ABLIM1: variants seen among roughly 807,000 people sequenced by gnomAD.
ABLIM1 encodes actin binding LIM protein 1, also known as actin-binding LIM protein 1.
In ABLIM1, 40 loss-of-function variants were observed where a neutral mutation model predicts 107.0. The ratio of observed to expected loss-of-function variants is 0.37; its 90% CI spans 0.29 to 0.49. The LOEUF (loss-of-function observed/expected upper bound fraction) is 0.49, where lower values mean the gene tolerates loss of function less well. Among genes scored for constraint, ABLIM1 ranks in the 20% least tolerant of loss-of-function variants. ABLIM1 has a pLI of 0.97. For synonymous variants in ABLIM1, 357 were observed against 357.3 expected (o/e 1.00, Z 0.01); for missense variants, 857 against 1,008.5 (o/e 0.85, Z 2.04).
rs1230035889 is a variant in ABLIM1, at chr10:114,638,195, T to G, written c.244+19762A>C. On this transcript the variant is annotated intron_variant, in intron 1 of 22. Transcript: ENST00000533213. ...TTGATGAATAAATAAATATTCCTTT[T>G]CATACAAATAGACTGATTTCAAAAT... Among the ~76,000 whole-genome samples, 5 of 152,364 alleles carry G rather than the reference T, an allele frequency of 3.3e-5. No homozygotes were observed. The East Asian group carries it at 9.6e-4, about 29-fold the overall frequency.
intron 6 of ABLIM1, among the ~76,000 whole-genome samples, chr10:114,532,889 T>C (rs551140520): frequency 1.3e-5 from 2 of 152,266 alleles, no homozygotes; most frequent in East Asian, 3.9e-4. Context: ...AGAGACCCAC[T>C]TGTCTGTTTC....
In ABLIM1 at chr10:114,444,047, C is replaced by T. The variant is rs772367802; in HGVS notation, c.1915G>A (p.Asp639Asn). The T allele has an allele frequency of 7.5e-6, 12 of 1,607,232 alleles. No individual in the cohort carries two copies. The highest frequency in any genetic ancestry group is 5.1e-5 in the Admixed American group (3 of 58,454). Residue 639 changes from aspartate to asparagine, a missense_variant, in exon 17 of 23, where the codon GAT becomes AAT. Transcript: ENST00000533213. ...ERSSLLASRY[D>N]SPINSASHIP... ...TGCTTACCTGAGTTGATGGGAGAAT[C>T]GTAGCGACTGGCTAACAGAGATGAC...
intron 13 of ABLIM1, among the ~76,000 whole-genome samples, 160 bp from the exon 14 acceptor site, chr10:114,451,831 T>G (rs556774864): frequency 5.3e-5 from 8 of 152,166 alleles, no homozygotes; most frequent in Non-Finnish European, 8.8e-5. Context: ...AAAGAAAAAT[T>G]ATAGAAATGA....
At chr10:114,693,624 G>A (rs904493860) in intron 1 of ABLIM1, among the ~76,000 whole-genome samples, 9 of 151,756 alleles carry the variant, frequency 5.9e-5, no homozygotes, top group East Asian at 1.9e-4. Context: ...AATTTTAAGC[G>A]TTTTTTCTTT....
intron 1 of ABLIM1, among the ~76,000 whole-genome samples, chr10:114,617,820 C>G (rs978123155): frequency 6.6e-6 from 1 of 151,994 alleles, no homozygotes; most frequent in Non-Finnish European, 1.5e-5. Context: ...TATTTTTTAT[C>G]AAAGTTTAGG....
intron 4 of ABLIM1, among the ~76,000 whole-genome samples, chr10:114,562,797 A>C (rs968841669): frequency 6.6e-6 from 1 of 152,152 alleles, no homozygotes; most frequent in African/African-American, 2.4e-5. Context: ...TCACTCACTA[A>C]ATGAACATGT....
At chr10:114,592,332 C>T (rs2074974067) in intron 2 of ABLIM1, among the ~76,000 whole-genome samples, 1 of 152,016 alleles carries the variant, frequency 6.6e-6, no homozygotes, top group Non-Finnish European at 1.5e-5. Context: ...GTGCAAAGGT[C>T]CTGAGGCTAT....
intron 6 of ABLIM1, among the ~76,000 whole-genome samples, chr10:114,519,887 C>T (rs968804521): frequency 2.0e-5 from 3 of 152,234 alleles, no homozygotes; most frequent in Non-Finnish European, 4.4e-5. Context: ...AAGGAACCAG[C>T]TGGGTTACCC....
At chr10:114,439,372 T>C (rs1364994455) in intron 20 of ABLIM1, 122 bp from the exon 21 acceptor site, 10 of 952,030 alleles carry the variant, frequency 1.1e-5, no homozygotes, top group Non-Finnish European at 1.5e-5. Context: ...ATTTGTGTCA[T>C]CTAAATGACC....
chr10:114,699,985 A>G (rs2081275956), intron 1 of ABLIM1, among the ~76,000 whole-genome samples: 1 of 152,002 alleles, frequency 6.6e-6, no homozygotes, highest in African/African-American at 2.4e-5. Flanking sequence ...TTTTTTTCAG[A>G]TGGGGTCTCA....
At chr10:114,664,154 C>G (rs1311579100) in intron 1 of ABLIM1, among the ~76,000 whole-genome samples, 1 of 152,154 alleles carries the variant, frequency 6.6e-6, no homozygotes, top group Non-Finnish European at 1.5e-5. Flanking sequence ...TTTAGCTTCA[C>G]AGAACTCCTG....
At chr10:114,521,352 CAT>C (rs2063704996) in intron 6 of ABLIM1, among the ~76,000 whole-genome samples, 2 of 152,238 alleles carry the variant, frequency 1.3e-5, no homozygotes, top group African/African-American at 4.8e-5. Context: ...ATACTCAAGC[CAT>C]AGAGTTGATG....
At chr10:114,519,967 C>T (rs906054918) in intron 6 of ABLIM1, among the ~76,000 whole-genome samples, 1 of 152,238 alleles carries the variant, frequency 6.6e-6, no homozygotes, top group Admixed American at 6.5e-5. Flanking sequence ...AGGCTGCAGC[C>T]TCTGCCCTGT....
intron 1 of ABLIM1, among the ~76,000 whole-genome samples, chr10:114,754,290 T>C (rs2082582879): frequency 6.6e-6 from 1 of 151,054 alleles, no homozygotes; most frequent in African/African-American, 2.5e-5. Context: ...TTTGCATAAA[T>C]CTTTCTACTC....
chr10:114,718,134 G>GAAAGA (rs1418286428), intron 1 of ABLIM1, among the ~76,000 whole-genome samples: 8 of 110,236 alleles, frequency 7.3e-5, no homozygotes, highest in Non-Finnish European at 1.8e-4. Context: ...AGAAAGAAAA[G>GAAAGA]AAAGAAAGAA....
intron 1 of ABLIM1, among the ~76,000 whole-genome samples, chr10:114,641,927 G>A (rs2078772031): frequency 6.6e-6 from 1 of 150,378 alleles, no homozygotes; most frequent in Non-Finnish European, 1.5e-5. Flanking sequence ...CTGTTACCCA[G>A]GCCAGAGTGC....
intron 4 of ABLIM1, among the ~76,000 whole-genome samples, chr10:114,549,246 T>C (rs970794558): frequency 6.6e-6 from 1 of 152,150 alleles, no homozygotes; most frequent in African/African-American, 2.4e-5. Flanking sequence ...TAGCCGGGCA[T>C]GGTGGTGCAC....
At chr10:114,585,842 G>A (rs2074129266) in intron 2 of ABLIM1, among the ~76,000 whole-genome samples, 1 of 152,094 alleles carries the variant, frequency 6.6e-6, no homozygotes, top group Non-Finnish European at 1.5e-5. Context: ...TTGACATCTG[G>A]CCTTTAATAT....
In ABLIM1 at chr10:114,444,154, A is replaced by T; in HGVS notation, c.1828-20T>A. 2 of 740,996 alleles carry T rather than the reference A, an allele frequency of 2.7e-6. No homozygotes were observed. Among genetic ancestry groups the T allele is most frequent in the Non-Finnish European group, 3.5e-6 (2 of 565,846 alleles). The allele number at this position is 740,996 out of a possible 1,614,324, so 45.9% of individuals were successfully genotyped here. A position where few individuals can be genotyped will look rare whatever the true frequency, so the allele number is the denominator to read the frequency against. On this transcript the variant is annotated intron_variant, in intron 16 of 22. Transcript: ENST00000533213. ...GTTAAGCTATTCACAGAAAAAAGGA[A>T]AAAAAAAAAAAAAAGAAAGCAAAGC...
Sources: gnomAD v4.1 joint callset for allele counts (sites outside exome capture counted in the v4.1 genomes callset) on GRCh38, gnomAD v4.1.1 for gene constraint, MANE v1.5 for transcripts, NCBI Gene and HGNC (gene_info 2026-07-23, HGNC 2026-07-21) for gene names.